The following SLC25A33 variants were observed in gnomAD, a reference collection of about 807,000 sequenced individuals.
SLC25A33 encodes the protein bone marrow stromal cell mitochondrial carrier protein.
A neutral mutation model predicts 35.5 loss-of-function variants in SLC25A33; 15 were observed. That is an observed-to-expected ratio of 0.42 (90% confidence interval 0.28 to 0.65). The LOEUF (loss-of-function observed/expected upper bound fraction) is 0.65. Ranked by LOEUF, SLC25A33 falls within the 30% of genes least tolerant of loss-of-function variation. SLC25A33 has a pLI of 0.20. For synonymous variants in SLC25A33, 136 were observed against 148.7 expected, an observed-to-expected ratio of 0.91 and a Z score of 0.62; for missense variants, 257 against 398.5, an observed-to-expected ratio of 0.64 and a Z score of 3.02.
At position 9,560,299 on chromosome 1, in the gene SLC25A33, G is replaced by A. The variant is rs116306213; in HGVS notation, c.236+6494G>A. On this transcript the variant is annotated intron_variant, in intron 2 of 6. Transcript: ENST00000302692. The stretch of plus-strand genomic sequence containing the variant: ...AAAAAAAACCCATGCAAATAACATG[G>A]TCATTCGTTTAAAAGTTGTCTGCTT... Among the ~76,000 whole-genome samples, 1,023 of 151,238 alleles carry A rather than the reference G, an allele frequency of 6.8e-3. 10 individuals are homozygous for A. Among genetic ancestry groups the A allele is most frequent in the African/African-American group, 0.024 (980 of 41,264 alleles).
intron 1 of SLC25A33, among the ~76,000 whole-genome samples, chr1:9,542,852 G>T (rs553103185): frequency 6.6e-6 from 1 of 152,082 alleles, no homozygotes. Context: ...TCACTCTGTC[G>T]CCCAGGCTGG....
rs1020427009 is a variant in SLC25A33, at chr1:9,583,639, G to A, written c.*1138G>A. The A allele has an allele frequency of 5.3e-5, 8 of 151,876 alleles. No individual in the cohort carries two copies. The highest frequency in any genetic ancestry group is 8.8e-5 in the Non-Finnish European group (6 of 68,018). The allele number at this position is 151,876 out of a possible 1,614,324, so 9.4% of individuals were successfully genotyped here. A position where few individuals can be genotyped will look rare whatever the true frequency, so the allele number is the denominator to read the frequency against. On this transcript the variant is annotated 3_prime_UTR_variant, in exon 7 of 7. Coordinates refer to ENST00000302692, the MANE Select transcript of SLC25A33 (RefSeq NM_032315.3). ...TGCTCTTGCAGAAAAGGAGCACAAC[G>A]TAGGACTATGGCTCACCCGTCAGAG...
chr1:9,581,729 CAA>C (rs34855299), intron 6 of SLC25A33, among the ~76,000 whole-genome samples: 52 of 77,356 alleles, frequency 6.7e-4, no homozygotes, highest in African/African-American at 7.4e-4. Context: ...GACTCTGCCT[CAA>C]AAAAAAAAAA....
chr1:9,542,372 CAA>C (rs1643098079), intron 1 of SLC25A33, among the ~76,000 whole-genome samples: 1 of 152,162 alleles, frequency 6.6e-6, no homozygotes, highest in African/African-American at 2.4e-5. Context: ...TTGTATTTAA[CAA>C]GTTTCCGTTC....
intron 2 of SLC25A33, among the ~76,000 whole-genome samples, chr1:9,557,358 CTATTT>C (rs1643358928): frequency 6.6e-6 from 1 of 152,138 alleles, no homozygotes; most frequent in African/African-American, 2.4e-5. Flanking sequence ...CACCCAAGAG[CTATTT>C]TATTTAAGCT....
Position 9,539,547 on chromosome 1 carries a change from G to T in SLC25A33, c.-145G>T, listed in dbSNP as rs1643040974. On this transcript the variant is annotated 5_prime_UTR_variant, in exon 1 of 7. Coordinates refer to ENST00000302692, the MANE Select transcript of SLC25A33 (RefSeq NM_032315.3). ...GAAGGCGCGGGCCGAGCAGAGCCGG[G>T]CGTTGGAGCCCGCGCGCGCATGGAG... 1.3e-5 allele frequency: 6 copies of T among 465,968 alleles called. No homozygotes were observed. The highest frequency in any genetic ancestry group is 1.3e-5 in the Non-Finnish European group (4 of 313,554). 28.9% of individuals were successfully genotyped at this position (465,968 alleles called of 1,614,324 possible). A position where few individuals can be genotyped will look rare whatever the true frequency, so the allele number is the denominator to read the frequency against.
chr1:9,574,942 G>A (rs11804156), intron 5 of SLC25A33, among the ~76,000 whole-genome samples: 2,671 of 152,210 alleles, frequency 0.018, 84 homozygotes, highest in African/African-American at 0.06. Context: ...GGCCGGGTGC[G>A]GTGGCTCACA....
At chr1:9,576,705 C>T in intron 5 of SLC25A33, 1 of 710,842 alleles carries the variant, frequency 1.4e-6, no homozygotes, top group African/African-American at 1.8e-5. Context: ...CGTATGCTCA[C>T]TTCCCCACCG....
At chr1:9,554,848 A>G (rs990324184) in intron 2 of SLC25A33, among the ~76,000 whole-genome samples, 2 of 152,216 alleles carry the variant, frequency 1.3e-5, no homozygotes, top group African/African-American at 4.8e-5. Context: ...CAGTCTATGC[A>G]TAAGGTAAAA....
chr1:9,567,206 T>G, intron 2 of SLC25A33, 78 bp from the exon 3 acceptor site: 64 of 1,183,940 alleles, frequency 5.4e-5, no homozygotes, highest in Non-Finnish European at 7.7e-5. Flanking sequence ...AAGGAACTAA[T>G]GAGAAGGTTG....
At position 9,582,826 on chromosome 1, in the gene SLC25A33, A is replaced by C. The variant is rs1643764143; in HGVS notation, c.*325A>C. ...CACTATACTATGAAGGACTTAAGTA[A>C]TTCAGATAAACCTGCCCTAGAACTG... On this transcript the variant is annotated 3_prime_UTR_variant, in exon 7 of 7. Coordinates refer to ENST00000302692, the MANE Select transcript of SLC25A33 (RefSeq NM_032315.3). This position sits in a 1 kb window ranked among gnomAD's most constrained non-coding sequence, Gnocchi z 4.0. The C allele has an allele frequency of 4.0e-6, 1 of 252,376 alleles. No homozygotes were observed. Among genetic ancestry groups the C allele is most frequent in the Non-Finnish European group, 7.6e-6 (1 of 131,606 alleles). 15.6% of individuals were successfully genotyped at this position (252,376 alleles called of 1,614,324 possible). A position where few individuals can be genotyped will look rare whatever the true frequency, so the allele number is the denominator to read the frequency against.
intron 2 of SLC25A33, among the ~76,000 whole-genome samples, chr1:9,564,339 G>A (rs553461874): frequency 6.6e-6 from 1 of 152,270 alleles, no homozygotes; most frequent in Non-Finnish European, 1.5e-5. Flanking sequence ...GTAAGGTGGT[G>A]TAACCACTAT....
At chr1:9,541,726 G>A (rs575208034) in intron 1 of SLC25A33, among the ~76,000 whole-genome samples, 106 of 147,276 alleles carry the variant, frequency 7.2e-4, no homozygotes, top group African/African-American at 2.4e-3. Context: ...AGCCAAGAAG[G>A]ATCATTTAAA....
rs1173504346 is a variant in SLC25A33, at chr1:9,578,084, A to C, written c.483-1870A>C. On this transcript the variant is annotated intron_variant, in intron 5 of 6. Transcript: ENST00000302692. This position sits in a 1 kb window ranked among gnomAD's most constrained non-coding sequence, Gnocchi z 4.3. The stretch of plus-strand genomic sequence containing the variant: ...AAGTGCCCGCCACCATGCCCGGCTA[A>C]TTTTTTGTATTTTTTAGTAGAGACG... Among the ~76,000 whole-genome samples the C allele has an allele frequency of 1.3e-5, 2 of 151,938 alleles. No homozygotes were observed. The highest frequency in any genetic ancestry group is 1.3e-4 in the Admixed American group (2 of 15,258).
intron 1 of SLC25A33, among the ~76,000 whole-genome samples, chr1:9,545,165 AGGT>A (rs1643149065): frequency 6.6e-6 from 1 of 152,036 alleles, no homozygotes; most frequent in Non-Finnish European, 1.5e-5. Context: ...TAATGAGAGA[AGGT>A]AGAGGAATGG....
rs59741987 is a variant in SLC25A33 at position 9,564,765 on chromosome 1, T to TATAC, written c.237-2518_237-2517insTACA. On this transcript the variant is annotated intron_variant, in intron 2 of 6. Coordinates refer to ENST00000302692, the MANE Select transcript of SLC25A33 (RefSeq NM_032315.3). ...ATATATATATATATATATATATATATACACAAAAATTAGCTGAGCGTGGTG... is the reference window on the plus strand; with the variant it reads ...ATATATATATATATATATATATATATATACACACAAAAATTAGCTGAGCGTGGTG... Among the ~76,000 whole-genome samples, 377 of 114,750 alleles carry TATAC rather than the reference T, an allele frequency of 3.3e-3. 4 individuals are homozygous for TATAC. Among genetic ancestry groups the TATAC allele is most frequent in the East Asian group, 5.4e-3 (17 of 3,168 alleles). 75.3% of individuals were successfully genotyped at this position (114,750 alleles called of 152,430 possible).
At chr1:9,562,017 C>T (rs1184288595) in intron 2 of SLC25A33, among the ~76,000 whole-genome samples, 3 of 150,628 alleles carry the variant, frequency 2.0e-5, no homozygotes, top group African/African-American at 7.4e-5. Flanking sequence ...CATGCCACTG[C>T]ACTCGCCTGG....
intron 5 of SLC25A33, among the ~76,000 whole-genome samples, chr1:9,575,995 A>G (rs993705398): frequency 6.6e-6 from 1 of 152,090 alleles, no homozygotes; most frequent in African/African-American, 2.4e-5. Flanking sequence ...GCCTTTGGTA[A>G]TTCCTCCTAA....
At position 9,578,618 on chromosome 1, in the gene SLC25A33, G is replaced by A. The variant is rs1643695788; in HGVS notation, c.483-1336G>A. ...AGTAGCCTCACCAACAGGTTGGAAT[G>A]TTCCTATTTTTCTTTCTTATTATTT... On this transcript the variant is annotated intron_variant, in intron 5 of 6. Transcript: ENST00000302692. The surrounding 1 kb of genome is among the most constrained non-coding windows in gnomAD (Gnocchi z 4.3). 6.6e-6 allele frequency among the ~76,000 whole-genome samples: 1 copy of A among 152,188 alleles called. No individual in the cohort carries two copies. Among genetic ancestry groups the A allele is most frequent in the Non-Finnish European group, 1.5e-5 (1 of 68,036 alleles).
Sources: gnomAD v4.1 joint callset for allele counts (sites outside exome capture counted in the v4.1 genomes callset) on GRCh38, gnomAD v4.1.1 for gene constraint, Gnocchi (gnomAD v3.1) non-coding constraint, MANE v1.5 for transcripts, NCBI Gene and HGNC (gene_info 2026-07-23, HGNC 2026-07-21) for gene names.